The following HECTD2 variants were observed in gnomAD, a reference collection of about 807,000 sequenced individuals.
HECTD2 encodes the protein HECT domain E3 ubiquitin protein ligase 2, also known as probable E3 ubiquitin-protein ligase HECTD2.
HECTD2 carries 35 observed loss-of-function variants against 103.2 expected under a neutral mutation model. The ratio of observed to expected loss-of-function variants is 0.34; its 90% confidence interval spans 0.26 to 0.45. The LOEUF (loss-of-function observed/expected upper bound fraction) is 0.45, where lower values mean the gene tolerates loss of function less well. HECTD2 is among the 20% of genes least tolerant of loss of function. The pLI is 1.00. For synonymous variants in HECTD2, 281 were observed against 329.9 expected (o/e 0.85, Z 1.61); for missense variants, 596 against 937.4 (o/e 0.64, Z 4.76).
intron 5 of HECTD2, among the ~76,000 whole-genome samples, chr10:91,465,628 A>AT (rs965785363): frequency 5.9e-5 from 9 of 151,668 alleles, no homozygotes; most frequent in Admixed American, 5.9e-4. Flanking sequence ...TTCACTGATA[A>AT]TTTTTATCAT....
At chr10:91,421,691 C>T (rs983418801) in intron 1 of HECTD2, among the ~76,000 whole-genome samples, 1 of 152,198 alleles carries the variant, frequency 6.6e-6, no homozygotes, top group Non-Finnish European at 1.5e-5. Context: ...GCGAAGCATA[C>T]TTTTGCCTAG....
At chr10:91,456,538 T>G (rs1845102763) in intron 2 of HECTD2, among the ~76,000 whole-genome samples, 1 of 152,206 alleles carries the variant, frequency 6.6e-6, no homozygotes, top group Non-Finnish European at 1.5e-5. Context: ...ACAATTTGAC[T>G]TCTTCTTTTC....
chr10:91,450,875 G>C (rs1844788688), intron 2 of HECTD2, among the ~76,000 whole-genome samples: 1 of 152,274 alleles, frequency 6.6e-6, no homozygotes, highest in Middle Eastern at 3.4e-3. Context: ...ATAGATGCTG[G>C]AGAGGATGTG....
chr10:91,438,847 CAT>C (rs758548644), intron 2 of HECTD2, among the ~76,000 whole-genome samples: 4 of 152,086 alleles, frequency 2.6e-5, no homozygotes, highest in East Asian at 1.9e-4. Flanking sequence ...AGCTTTTTTT[CAT>C]ATGTTTGTTG....
intron 2 of HECTD2, among the ~76,000 whole-genome samples, chr10:91,429,246 G>T (rs1364564012): frequency 3.3e-5 from 5 of 152,002 alleles, no homozygotes; most frequent in East Asian, 1.9e-4. Flanking sequence ...TCATGGTGGA[G>T]AAGCTTTTTG....
At chr10:91,446,117 C>T (rs2133133191) in intron 2 of HECTD2, among the ~76,000 whole-genome samples, 1 of 152,102 alleles carries the variant, frequency 6.6e-6, no homozygotes, top group African/African-American at 2.4e-5. Flanking sequence ...ACACCACATA[C>T]AGGAGAGCTC....
intron 20 of HECTD2, among the ~76,000 whole-genome samples, chr10:91,503,903 G>T (rs1299240086): frequency 6.6e-6 from 1 of 152,204 alleles, no homozygotes; most frequent in South Asian, 2.1e-4. Context: ...GAGAGCAGGG[G>T]TTCTCCTAGT....
chr10:91,410,598 T>C, intron 1 of HECTD2, 22 bp downstream of exon 1: 2 of 1,195,054 alleles, frequency 1.7e-6, no homozygotes, highest in South Asian at 2.0e-5. Flanking sequence ...GCCGGGGCCG[T>C]CTGGCGCCCC....
rs887651633 is a variant in HECTD2 at position 91,492,473 on chromosome 10, A to G, written c.1421A>G (p.His474Arg). 2 of 1,609,936 alleles carry G rather than the reference A, an allele frequency of 1.2e-6. No homozygotes were observed. The highest frequency in any genetic ancestry group is 2.7e-5 in the African/African-American group (2 of 74,832). ...CTTCTTCTAATTCGCCAAATTTTTCATCCAGATTATGGTAAGTATGTAATC... is the reference window on the plus strand; with the variant it reads ...CTTCTTCTAATTCGCCAAATTTTTCGTCCAGATTATGGTAAGTATGTAATC... Reference protein sequence around the residue: ...WFLLLIRQIFHPDYGMFTYHK... With the variant: ...WFLLLIRQIFRPDYGMFTYHK... The change falls in exon 13 of 21, where the codon CAT (histidine) becomes CGT (arginine). Residue 474 changes from histidine (H) to arginine (R), a missense_variant. Around this residue, in one of 4 missense-constraint regions of HECTD2, gnomAD observed 303 missense variants for 522.5 expected, o/e 0.58. Coordinates refer to ENST00000298068, the MANE Select transcript of HECTD2 (RefSeq NM_182765.6).
At chr10:91,428,363 C>G (rs961426821) in intron 2 of HECTD2, among the ~76,000 whole-genome samples, 7 of 150,724 alleles carry the variant, frequency 4.6e-5, no homozygotes, top group Admixed American at 1.3e-4. Context: ...GATGCGGGCT[C>G]TTTTTTGGTT....
intron 2 of HECTD2, among the ~76,000 whole-genome samples, chr10:91,458,568 A>G (rs1845211237): frequency 1.3e-5 from 2 of 152,028 alleles, no homozygotes; most frequent in Non-Finnish European, 2.9e-5. Context: ...CCATGGAGGA[A>G]GAGATACAAG....
At chr10:91,458,783 G>GA (rs938596135) in intron 2 of HECTD2, among the ~76,000 whole-genome samples, 5 of 151,702 alleles carry the variant, frequency 3.3e-5, no homozygotes, top group South Asian at 2.1e-4. Flanking sequence ...TGGACTTTTA[G>GA]AAAAAAAATG....
At chr10:91,447,698 C>CA (rs1196831521) in intron 2 of HECTD2, among the ~76,000 whole-genome samples, 1 of 36,352 alleles carries the variant, frequency 2.8e-5, no homozygotes, top group Non-Finnish European at 5.2e-5. Context: ...AAATGGAAAG[C>CA]AAAAAAAAAA....
At chr10:91,479,021 C>G (rs986140251) in intron 6 of HECTD2, among the ~76,000 whole-genome samples, 2 of 152,100 alleles carry the variant, frequency 1.3e-5, no homozygotes, top group African/African-American at 4.8e-5. Flanking sequence ...AAGTGTCAGT[C>G]TGGCCAACAT....
At chr10:91,454,719 C>A (rs1844996473) in intron 2 of HECTD2, among the ~76,000 whole-genome samples, 1 of 151,980 alleles carries the variant, frequency 6.6e-6, no homozygotes, top group Non-Finnish European at 1.5e-5. Flanking sequence ...TCGCTCCCCC[C>A]TCCCCCTACC....
intron 5 of HECTD2, among the ~76,000 whole-genome samples, chr10:91,474,383 G>A (rs1845835355): frequency 6.6e-6 from 1 of 152,116 alleles, no homozygotes; most frequent in South Asian, 2.1e-4. Context: ...AAGCACAAGA[G>A]ATACCTAAAA....
rs750964878 is a variant in HECTD2, at chr10:91,425,282, G to A, written c.140G>A (p.Gly47Asp). ...CAATGTTAACTTTTCTGTTTTCAGG[G>A]TTTGGACAGAGGAGCCAAAGGCCAA... ...IVSAGAGATA[G>D]LDRGAKGQIS... The change falls in exon 2 of 21, where the codon GGT becomes GAT. Residue 47 changes from glycine to aspartate, a missense_variant and splice_region_variant. Coordinates refer to ENST00000298068, the MANE Select transcript of HECTD2 (RefSeq NM_182765.6). 2.6e-6 allele frequency: 4 copies of A among 1,521,526 alleles called. No homozygotes were observed. 94.3% of individuals were successfully genotyped at this position (1,521,526 alleles called of 1,614,324 possible).
intron 10 of HECTD2, chr10:91,485,644 A>T (rs559769544): frequency 1.9e-4 from 33 of 177,540 alleles, no homozygotes; most frequent in South Asian, 1.8e-3. Context: ...TTTCAACACT[A>T]TAGGTTACAC....
intron 2 of HECTD2, among the ~76,000 whole-genome samples, chr10:91,458,973 AT>A (rs1445220138): frequency 2.0e-5 from 3 of 151,988 alleles, no homozygotes; most frequent in African/African-American, 4.8e-5. Context: ...TTTGCAAACT[AT>A]TTTAGTGACA....
Sources: gnomAD v4.1 joint callset for allele counts (sites outside exome capture counted in the v4.1 genomes callset) on GRCh38, gnomAD v4.1.1 for gene constraint, gnomAD v4.1.1 regional missense constraint, MANE v1.5 for transcripts, NCBI Gene and HGNC (gene_info 2026-07-23, HGNC 2026-07-21) for gene names.